ASMTL: variants seen among roughly 807,000 people sequenced by gnomAD.
ASMTL encodes acetylserotonin O-methyltransferase like, also known as probable bifunctional dTTP/UTP pyrophosphatase/methyltransferase protein.
Under a neutral mutation model 60.3 loss-of-function variants are expected in ASMTL, and 57 were observed. The ratio of observed to expected loss-of-function variants is 0.95; its 90% confidence interval spans 0.76 to 1.18. ASMTL has a LOEUF of 1.18. Among genes scored for constraint, ASMTL ranks in the 50% most tolerant of loss-of-function variants. The pLI is 0.00. For missense variants in ASMTL, 981 were observed against 852.6 expected (o/e 1.15, Z -1.88); for synonymous variants, 419 against 373.0 (o/e 1.12, Z -1.42).
chrX:1,422,774 T>C (rs1292896985), intron 8 of ASMTL, among the ~76,000 whole-genome samples: 2 of 152,134 alleles, frequency 1.3e-5, no homozygotes, highest in South Asian at 2.1e-4. Flanking sequence ...ATAGATGACA[T>C]TTATTTTCAT....
In ASMTL at chrX:1,404,274, AGATGGATG is replaced by A. The variant is rs760055401; in HGVS notation, c.1646-793_1646-786del. On this transcript the variant is annotated intron_variant, in intron 12 of 12. Coordinates refer to ENST00000381317, the MANE Select transcript of ASMTL (RefSeq NM_004192.4). ...GGATGGATAGATGGATGCATGGATG[AGATGGATG>A]GATGGATGGGTGAATAGATGGTAGA... Among the ~76,000 whole-genome samples the A allele has an allele frequency of 9.8e-5, 14 of 143,210 alleles. 1 individual carries two copies. The highest frequency in any genetic ancestry group is 2.8e-4 in the Admixed American group (4 of 14,504). 94.0% of individuals were successfully genotyped at this position (143,210 alleles called of 152,430 possible).
At position 1,452,883 on chromosome X, in the gene ASMTL, G is replaced by C; in HGVS notation, c.-43C>G. ...CCGGGCGTCCGCACTTCTGAGCCCG[G>C]AGCCCGCGGTGCGCGCAGCGCGGCT... On this transcript the variant is annotated 5_prime_UTR_variant, in exon 1 of 13. Transcript: ENST00000381317. 1 of 1,431,038 alleles carries C rather than the reference G, an allele frequency of 7.0e-7. No homozygotes were observed. Among genetic ancestry groups the C allele is most frequent in the Non-Finnish European group, 9.3e-7 (1 of 1,075,862 alleles). The allele number at this position is 1,431,038 out of a possible 1,614,324, so 88.6% of individuals were successfully genotyped here. A position where few individuals can be genotyped will look rare whatever the true frequency, so the allele number is the denominator to read the frequency against.
intron 12 of ASMTL, among the ~76,000 whole-genome samples, chrX:1,411,894 C>G (rs192049181): frequency 0.017 from 2,357 of 135,610 alleles, 24 homozygotes; most frequent in Middle Eastern, 0.04. Flanking sequence ...CTCACTGCAA[C>G]CTCCGTCTCC....
chrX:1,438,282 CAA>C (rs61300976), intron 3 of ASMTL, among the ~76,000 whole-genome samples: 14 of 144,172 alleles, frequency 9.7e-5, no homozygotes, highest in Non-Finnish European at 9.2e-5. Flanking sequence ...GACTCTCTCT[CAA>C]AAAAAAAAAA....
intron 5 of ASMTL, among the ~76,000 whole-genome samples, chrX:1,433,879 G>A (rs1371132362): frequency 2.0e-5 from 3 of 152,104 alleles, no homozygotes; most frequent in Non-Finnish European, 4.4e-5. Flanking sequence ...AAGCTGGGAA[G>A]GAAAGTGCTG....
In ASMTL at chrX:1,418,974, C is replaced by G. The variant is rs750050321; in HGVS notation, c.1378+8G>C. The G allele has an allele frequency of 1.2e-6, 2 of 1,611,580 alleles. No homozygotes were observed. Among genetic ancestry groups the G allele is most frequent in the African/African-American group, 2.7e-5 (2 of 74,810 alleles). ...AGTAAGGAGAGCCCTGGCGGGGGGGCCACCCACCTCCCACGTCGCAGGCGG... is the reference window on the plus strand; with the variant it reads ...AGTAAGGAGAGCCCTGGCGGGGGGGGCACCCACCTCCCACGTCGCAGGCGG... On this transcript the variant is annotated splice_region_variant and intron_variant, in intron 10 of 12. Transcript: ENST00000381317.
intron 9 of ASMTL, among the ~76,000 whole-genome samples, chrX:1,420,028 CCT>C (rs1191252431): frequency 2.4e-5 from 1 of 41,994 alleles, no homozygotes; most frequent in African/African-American, 4.3e-5. Context: ...TTTCTATCTC[CCT>C]CTGTCTCTGT....
At chrX:1,419,487 C>G (rs142136441) in intron 9 of ASMTL, among the ~76,000 whole-genome samples, 1,705 of 152,310 alleles carry the variant, frequency 0.011, 38 homozygotes, top group African/African-American at 0.038. Flanking sequence ...CACAATGTCT[C>G]TGCAGGTGCC....
chrX:1,444,238 C>A (rs1249003306), intron 1 of ASMTL, among the ~76,000 whole-genome samples: 1 of 148,564 alleles, frequency 6.7e-6, no homozygotes, highest in African/African-American at 2.5e-5. Flanking sequence ...AACGGAGTCT[C>A]GCTGTGTCGC....
chrX:1,417,725 C>CAG (rs2090344775), intron 11 of ASMTL, among the ~76,000 whole-genome samples: 3 of 147,994 alleles, frequency 2.0e-5, no homozygotes, highest in Non-Finnish European at 4.6e-5. Flanking sequence ...GATGCAGACA[C>CAG]ACACACACAC....
intron 3 of ASMTL, among the ~76,000 whole-genome samples, chrX:1,436,405 T>G (rs1207366832): frequency 2.6e-5 from 4 of 152,078 alleles, no homozygotes; most frequent in African/African-American, 9.7e-5. Context: ...CAGGCTGGAG[T>G]GCAGTGGCGC....
chrX:1,439,219 G>C lies in ASMTL; in HGVS notation c.226-75C>G, dbSNP rs150502516. ...CAGAGAAGTTTTCCCGTCGGTACGGGCGTGAAAGAGCACCGCAGGGGCGAA... is the reference window on the plus strand; with the variant it reads ...CAGAGAAGTTTTCCCGTCGGTACGGCCGTGAAAGAGCACCGCAGGGGCGAA... On this transcript the variant is annotated intron_variant, in intron 2 of 12. Coordinates refer to ENST00000381317, the MANE Select transcript of ASMTL (RefSeq NM_004192.4). 2.1e-3 allele frequency: 3,141 copies of C among 1,502,304 alleles called. 54 individuals carry two copies. The African/African-American group carries it at 0.037, about 18-fold the overall frequency. The allele number at this position is 1,502,304 out of a possible 1,614,324, so 93.1% of individuals were successfully genotyped here.
rs1293690897 is a variant in ASMTL at position 1,439,130 on chromosome X, G to C, written c.240C>G (p.Ala80=). The C allele has an allele frequency of 6.2e-7, 1 of 1,613,904 alleles. No individual in the cohort carries two copies. The highest frequency in any genetic ancestry group is 8.5e-7 in the Non-Finnish European group (1 of 1,179,868). Residue 80 remains alanine, a synonymous_variant, in exon 3 of 13, where the codon GCC becomes GCG. Coordinates refer to ENST00000381317, the MANE Select transcript of ASMTL (RefSeq NM_004192.4). ...TGTCCGCTCCAATGACCACGTCGGGGGCCCGCAGGTCTTTCTGTAAGAAAA... is the reference window on the plus strand; with the variant it reads ...TGTCCGCTCCAATGACCACGTCGGGCGCCCGCAGGTCTTTCTGTAAGAAAA... ...ANRLYQKDLR[A]PDVVIGADTI...
intron 12 of ASMTL, among the ~76,000 whole-genome samples, chrX:1,407,377 G>C (rs778905785): frequency 2.2e-4 from 33 of 151,418 alleles, no homozygotes; most frequent in African/African-American, 7.8e-4. Context: ...GTGATGGGCA[G>C]GTAGGTAGAT....
At chrX:1,411,176 T>G (rs1165088373) in intron 12 of ASMTL, among the ~76,000 whole-genome samples, 1 of 150,968 alleles carries the variant, frequency 6.6e-6, no homozygotes, top group African/African-American at 2.4e-5. Context: ...AGAGCGAGAC[T>G]CCGTCTCAAA....
intron 10 of ASMTL, 93 bp from the exon 11 acceptor site, chrX:1,418,209 G>T: frequency 1.4e-6 from 2 of 1,385,188 alleles, no homozygotes; most frequent in Non-Finnish European, 2.0e-6. Context: ...TAATGTTCAA[G>T]GGCATGGCAT....
intron 5 of ASMTL, among the ~76,000 whole-genome samples, chrX:1,432,612 G>A (rs1375460975): frequency 3.3e-5 from 5 of 151,214 alleles, no homozygotes; most frequent in East Asian, 3.9e-4. Flanking sequence ...GGTGGATCAC[G>A]AGGTCAGGAG....
At chrX:1,448,005 T>C (rs1426475542) in intron 1 of ASMTL, among the ~76,000 whole-genome samples, 4 of 148,722 alleles carry the variant, frequency 2.7e-5, no homozygotes, top group Non-Finnish European at 4.4e-5. Context: ...AGAACCACCA[T>C]CTTGGACACA....
In ASMTL at chrX:1,418,121, G is replaced by A. The variant is rs778469427; in HGVS notation, c.1379-5C>T. 22 of 1,589,814 alleles carry A rather than the reference G, an allele frequency of 1.4e-5. No individual in the cohort carries two copies. The highest frequency in any genetic ancestry group is 6.8e-5 in the East Asian group (3 of 44,400). ...GGGCCAGTGCACCCGTGCAGCCTGC[G>A]GGGAAGCAAATGCATGCTCTGTGGC... is the stretch of plus-strand genomic sequence containing the variant. On this transcript the variant is annotated splice_polypyrimidine_tract_variant and splice_region_variant and intron_variant, in intron 10 of 12. Transcript: ENST00000381317.
Sources: allele counts gnomAD v4.1 joint callset (sites outside exome capture counted in the v4.1 genomes callset), GRCh38; gene constraint gnomAD v4.1.1; transcripts MANE v1.5; gene names NCBI Gene and HGNC (gene_info 2026-07-23, HGNC 2026-07-21).